The following SGCZ variants were observed in gnomAD, a reference collection of about 807,000 sequenced individuals.
SGCZ encodes the protein sarcoglycan zeta.
Under a neutral mutation model 41.3 loss-of-function variants are expected in SGCZ, and 40 were observed. The ratio of observed to expected loss-of-function variants is 0.97; its 90% CI spans 0.75 to 1.26. The LOEUF is 1.26. Ranked by LOEUF, SGCZ falls within the 50% of genes most tolerant of loss-of-function variation. The probability of loss-of-function intolerance (pLI) is 0.00; values close to 1 mark genes in which losing one functional copy is unlikely to be tolerated. For synonymous variants in SGCZ, 206 were observed against 137.5 expected, an observed-to-expected ratio of 1.50 and a Z score of -3.49; for missense variants, 552 against 369.8, an observed-to-expected ratio of 1.49 and a Z score of -4.04.
chr8:14,708,540 T>C (rs1166537175), intron 1 of SGCZ, among the ~76,000 whole-genome samples: 1 of 151,976 alleles, frequency 6.6e-6, no homozygotes, highest in African/African-American at 2.4e-5. Flanking sequence ...TCTGTGTATA[T>C]AATATCTGAG....
chr8:14,614,425 T>C (rs1291780080), intron 1 of SGCZ, among the ~76,000 whole-genome samples: 23 of 152,178 alleles, frequency 1.5e-4, no homozygotes, highest in Non-Finnish European at 4.4e-5. Context: ...ATGAACAAAG[T>C]TCTGTATATG....
At chr8:15,172,159 T>TTTTA (rs1554471120) in intron 1 of SGCZ, among the ~76,000 whole-genome samples, 3 of 96,996 alleles carry the variant, frequency 3.1e-5, no homozygotes, top group African/African-American at 1.0e-4. Context: ...ACTCTGTTTT[T>TTTTA]TTTTTTTTTT....
intron 2 of SGCZ, among the ~76,000 whole-genome samples, chr8:14,461,947 T>G (rs915517586): frequency 2.6e-5 from 4 of 152,080 alleles, no homozygotes; most frequent in African/African-American, 9.7e-5. Flanking sequence ...TGCTTCCACT[T>G]TCTGAAAACG....
chr8:14,237,669 A>T lies in SGCZ; in HGVS notation c.347T>A (p.Leu116Gln). ...GACATTCCTGTCAGACTGTAAGACC[A>T]GCGGACTATCCTGGGAAACATGTAT... ...KEIHSRKDSPLVLQSDRNVTV... is the reference protein window; with the variant it reads ...KEIHSRKDSPQVLQSDRNVTV... Residue 116 changes from leucine (L) to glutamine (Q), a missense_variant, in exon 4 of 8, where the codon CTG becomes CAG. Transcript: ENST00000382080. The T allele has an allele frequency of 5.0e-6, 8 of 1,613,748 alleles. No individual in the cohort carries two copies. Among genetic ancestry groups the T allele is most frequent in the Non-Finnish European group, 6.8e-6 (8 of 1,179,704 alleles).
intron 1 of SGCZ, among the ~76,000 whole-genome samples, chr8:14,644,047 G>C (rs563857453): frequency 2.1e-4 from 32 of 151,742 alleles, no homozygotes; most frequent in African/African-American, 7.5e-4. Flanking sequence ...AGGATAACTT[G>C]AAATAAGAAT....
intron 1 of SGCZ, among the ~76,000 whole-genome samples, chr8:14,710,560 T>G (rs908631934): frequency 2.0e-5 from 3 of 152,098 alleles, no homozygotes; most frequent in Admixed American, 6.5e-5. Context: ...TCTACGTGAG[T>G]TAATAAATTA....
At chr8:14,229,084 C>T (rs1450961236) in intron 4 of SGCZ, among the ~76,000 whole-genome samples, 3 of 152,132 alleles carry the variant, frequency 2.0e-5, no homozygotes, top group East Asian at 1.9e-4. Context: ...CCAGCCAAAC[C>T]GTCTCTTTCA....
Position 14,485,134 on chromosome 8 carries a change from C to T in SGCZ, c.234+69598G>A, listed in dbSNP as rs558462458. Among the ~76,000 whole-genome samples, 14 of 152,286 alleles carry T rather than the reference C, an allele frequency of 9.2e-5. 2 individuals carry two copies. Among genetic ancestry groups the T allele is most frequent in the Admixed American group, 9.2e-4 (14 of 15,298 alleles). Reference sequence around the variant, plus strand: ...AGAATTTCCTCTCATCTTCTTGTTACTTGTTTCAGAATCTTGCCTTGAGAT... The same window carrying T: ...AGAATTTCCTCTCATCTTCTTGTTATTTGTTTCAGAATCTTGCCTTGAGAT... On this transcript the variant is annotated intron_variant, in intron 2 of 7. Coordinates refer to ENST00000382080, the MANE Select transcript of SGCZ (RefSeq NM_139167.4).
At chr8:14,147,762 TTTCCTCA>T (rs1803571994) in intron 5 of SGCZ, among the ~76,000 whole-genome samples, 1 of 152,148 alleles carries the variant, frequency 6.6e-6, no homozygotes, top group Admixed American at 6.5e-5. Context: ...TACATATTCT[TTTCCTCA>T]GCATGTGGAT....
intron 2 of SGCZ, among the ~76,000 whole-genome samples, chr8:14,375,241 G>C (rs2117173617): frequency 6.6e-6 from 1 of 152,290 alleles, no homozygotes; most frequent in African/African-American, 2.4e-5. Flanking sequence ...TATAACAGTT[G>C]TGCACTGAAT....
At chr8:14,450,679 T>G (rs1800567220) in intron 2 of SGCZ, among the ~76,000 whole-genome samples, 1 of 152,184 alleles carries the variant, frequency 6.6e-6, no homozygotes, top group African/African-American at 2.4e-5. Context: ...AGTGACCACT[T>G]AGATTTTAAT....
intron 4 of SGCZ, among the ~76,000 whole-genome samples, chr8:14,182,728 G>A (rs1293578686): frequency 6.6e-6 from 1 of 152,152 alleles, no homozygotes; most frequent in Non-Finnish European, 1.5e-5. Flanking sequence ...CTAATGTATG[G>A]CCAGGCATGA....
chr8:14,559,664 G>A (rs1804148653), intron 1 of SGCZ, among the ~76,000 whole-genome samples: 1 of 151,834 alleles, frequency 6.6e-6, no homozygotes, highest in Admixed American at 6.6e-5. Flanking sequence ...CTGCATTAAT[G>A]TCCTGTTAAA....
At chr8:14,157,931 C>A (rs1432528848) in intron 5 of SGCZ, among the ~76,000 whole-genome samples, 1 of 152,126 alleles carries the variant, frequency 6.6e-6, no homozygotes, top group Non-Finnish European at 1.5e-5. Context: ...CCTGTAATCC[C>A]AGAACTTTGG....
chr8:14,164,527 T>A, intron 5 of SGCZ, 53 bp downstream of exon 5: 2 of 1,605,796 alleles, frequency 1.2e-6, no homozygotes, highest in Non-Finnish European at 1.7e-6. Context: ...CCTTGTGCAG[T>A]TGTATATTCT....
intron 4 of SGCZ, among the ~76,000 whole-genome samples, chr8:14,216,765 G>T (rs1413370594): frequency 6.6e-6 from 1 of 152,070 alleles, no homozygotes. Context: ...CCTGTCATCA[G>T]AATGGTGAAA....
intron 1 of SGCZ, among the ~76,000 whole-genome samples, chr8:15,051,169 C>G (rs910002891): frequency 9.9e-5 from 15 of 151,878 alleles, no homozygotes; most frequent in African/African-American, 3.6e-4. Context: ...CAGATGCATC[C>G]AAATGAAAAG....
intron 1 of SGCZ, among the ~76,000 whole-genome samples, chr8:14,953,000 G>T (rs1173000125): frequency 2.6e-5 from 4 of 152,080 alleles, no homozygotes; most frequent in African/African-American, 7.2e-5. Context: ...GCTGATCAGG[G>T]TTGGCCATCT....
chr8:15,116,193 A>T (rs1365110095), intron 1 of SGCZ, among the ~76,000 whole-genome samples: 2 of 152,210 alleles, frequency 1.3e-5, no homozygotes, highest in Non-Finnish European at 2.9e-5. Flanking sequence ...CTTCATTTTT[A>T]AATGTAAGCT....
Sources: allele counts gnomAD v4.1 joint callset (sites outside exome capture counted in the v4.1 genomes callset), GRCh38; gene constraint gnomAD v4.1.1; transcripts MANE v1.5; gene names NCBI Gene and HGNC (gene_info 2026-07-23, HGNC 2026-07-21).